RHBDD1: variants seen among roughly 807,000 people sequenced by gnomAD.
The protein encoded by RHBDD1 is rhomboid-related protein 4.
Under a neutral mutation model 36.3 loss-of-function variants are expected in RHBDD1, and 38 were observed. That is an observed-to-expected ratio of 1.05 (90% confidence interval 0.81 to 1.37). RHBDD1 has a LOEUF of 1.37. RHBDD1 is among the 40% of genes most tolerant of loss of function. The pLI is 0.00. For synonymous variants in RHBDD1, 151 were observed against 136.5 expected (o/e 1.11, Z -0.74); for missense variants, 393 against 377.6 (o/e 1.04, Z -0.34).
chr2:226,933,918 C>T (rs1473096493), intron 8 of RHBDD1, among the ~76,000 whole-genome samples: 2 of 152,012 alleles, frequency 1.3e-5, no homozygotes, highest in African/African-American at 4.8e-5. Flanking sequence ...TAGATAGAAA[C>T]TATAGTTTCT....
chr2:226,907,026 A>C, intron 6 of RHBDD1, 145 bp downstream of exon 6: 1 of 817,354 alleles, frequency 1.2e-6, no homozygotes, highest in East Asian at 2.6e-5. Context: ...CGAAAGGTAA[A>C]ACAACCAGTG....
At chr2:226,815,976 C>A in the RHBDD1 span, among the ~76,000 whole-genome samples, 1 of 152,076 alleles carries the variant, frequency 6.6e-6, no homozygotes, top group African/African-American at 2.4e-5. Context: ...TATGAATTGC[C>A]CCCTGCTCTG....
At chr2:226,970,367 G>T (rs1953215720) in intron 8 of RHBDD1, among the ~76,000 whole-genome samples, 1 of 151,914 alleles carries the variant, frequency 6.6e-6, no homozygotes, top group Non-Finnish European at 1.5e-5. Context: ...ATTGAAAAAT[G>T]GTTTCATTTT....
intron 8 of RHBDD1, chr2:226,968,992 T>C (rs1952926304): frequency 5.1e-6 from 1 of 197,896 alleles, no homozygotes; most frequent in Admixed American, 4.7e-5. Context: ...TAACCATCCA[T>C]GTGTCCAAGG....
At chr2:226,948,376 A>G (rs1951143690) in intron 8 of RHBDD1, among the ~76,000 whole-genome samples, 1 of 134,188 alleles carries the variant, frequency 7.5e-6, no homozygotes, top group East Asian at 2.3e-4. Flanking sequence ...ATGAGATCAC[A>G]TGGACACAGG....
At chr2:226,809,236 AC>A in the RHBDD1 span, among the ~76,000 whole-genome samples, 3 of 152,262 alleles carry the variant, frequency 2.0e-5, no homozygotes, top group Non-Finnish European at 2.9e-5. Context: ...GCAGGAAGAC[AC>A]CATATCAGGA....
chr2:226,890,743 G>A (rs1231224113), intron 5 of RHBDD1, among the ~76,000 whole-genome samples: 3 of 151,984 alleles, frequency 2.0e-5, no homozygotes, highest in Admixed American at 6.6e-5. Flanking sequence ...TGATTATTAA[G>A]CATTGTATAC....
At chr2:226,901,238 G>T (rs1213160310) in intron 5 of RHBDD1, among the ~76,000 whole-genome samples, 2 of 152,120 alleles carry the variant, frequency 1.3e-5, no homozygotes, top group Non-Finnish European at 2.9e-5. Flanking sequence ...ATTCCATTGT[G>T]TGTGTATGCG....
chr2:226,986,109 A>G (rs1956882328), intron 8 of RHBDD1, among the ~76,000 whole-genome samples: 1 of 152,218 alleles, frequency 6.6e-6, no homozygotes. Flanking sequence ...ATGAGGACAA[A>G]TAGCAGACAA....
intron 8 of RHBDD1, among the ~76,000 whole-genome samples, chr2:226,919,533 T>C (rs781376252): frequency 6.6e-6 from 1 of 152,134 alleles, no homozygotes; most frequent in South Asian, 2.1e-4. Context: ...TTCATTCTTC[T>C]GCATATGGAT....
rs144704029 is a variant in RHBDD1 at position 226,860,129 on chromosome 2, A to G, written c.-90-4475A>G. On this transcript the variant is annotated intron_variant, in intron 3 of 8. Transcript: ENST00000392062. ...TCTTTCTATGTCTTTGGCTTGAACA[A>G]CTGGATAGATGGAAATCCCATGTCT... is the stretch of plus-strand genomic sequence containing the variant. Among the ~76,000 whole-genome samples, 110 of 152,328 alleles carry G rather than the reference A, an allele frequency of 7.2e-4. 1 individual carries two copies. Among genetic ancestry groups the G allele is most frequent in the African/African-American group, 2.5e-3 (102 of 41,576 alleles).
At chr2:226,980,611 CTTAA>C (rs1312896071) in intron 8 of RHBDD1, among the ~76,000 whole-genome samples, 1 of 152,182 alleles carries the variant, frequency 6.6e-6, no homozygotes, top group Admixed American at 6.5e-5. Flanking sequence ...CCCATCCACA[CTTAA>C]TTAAATCTGT....
chr2:226,953,884 G>C (rs1951600417), intron 8 of RHBDD1, among the ~76,000 whole-genome samples: 1 of 152,200 alleles, frequency 6.6e-6, no homozygotes, highest in South Asian at 2.1e-4. Context: ...GAAGACTGCA[G>C]CAGGACATCT....
chr2:226,822,372 C>T, the RHBDD1 span, among the ~76,000 whole-genome samples: 7 of 152,198 alleles, frequency 4.6e-5, no homozygotes, highest in East Asian at 1.9e-4. Flanking sequence ...CGGTGGCTCA[C>T]GCCTGTAATC....
intron 8 of RHBDD1, among the ~76,000 whole-genome samples, chr2:226,954,362 C>T (rs953075211): frequency 3.9e-5 from 6 of 151,988 alleles, no homozygotes; most frequent in African/African-American, 9.7e-5. Flanking sequence ...CTACTATGAT[C>T]AAGAGAATGT....
chr2:226,868,271 C>T (rs1478822751), intron 5 of RHBDD1, among the ~76,000 whole-genome samples: 1 of 152,134 alleles, frequency 6.6e-6, no homozygotes, highest in East Asian at 1.9e-4. Flanking sequence ...TTTTCCCTTA[C>T]AGAGAAGGAC....
intron 8 of RHBDD1, among the ~76,000 whole-genome samples, chr2:226,956,962 T>TA (rs1222581679): frequency 1.3e-5 from 2 of 152,268 alleles, no homozygotes; most frequent in Non-Finnish European, 2.9e-5. Context: ...CTTGTTTACT[T>TA]ACCACTTCAA....
intron 8 of RHBDD1, among the ~76,000 whole-genome samples, chr2:226,965,627 G>A (rs1409014824): frequency 6.6e-6 from 1 of 152,114 alleles, no homozygotes; most frequent in Non-Finnish European, 1.5e-5. Flanking sequence ...GAATGACTAA[G>A]GTTTTTGGCC....
At chr2:226,917,755 G>GA (rs1387057471) in intron 8 of RHBDD1, among the ~76,000 whole-genome samples, 1 of 151,790 alleles carries the variant, frequency 6.6e-6, no homozygotes, top group Non-Finnish European at 1.5e-5. Context: ...TTCCATTCAT[G>GA]AAAAATCACA....
Sources: gnomAD v4.1 joint callset for allele counts (sites outside exome capture counted in the v4.1 genomes callset) on GRCh38, gnomAD v4.1.1 for gene constraint, MANE v1.5 for transcripts, NCBI Gene and HGNC (gene_info 2026-07-23, HGNC 2026-07-21) for gene names.